The following DCBLD2 variants were observed in gnomAD, a reference collection of about 807,000 sequenced individuals.
DCBLD2 encodes discoidin, CUB and LCCL domain-containing protein 2.
DCBLD2 carries 54 observed loss-of-function variants against 86.8 expected under a neutral mutation model. That is an observed-to-expected ratio of 0.62 (90% CI 0.50 to 0.78). The LOEUF is 0.78. DCBLD2 is among the 30% of genes least tolerant of loss of function. The pLI, the probability that DCBLD2 is intolerant of heterozygous loss-of-function variation, is 0.00. For missense variants in DCBLD2, 908 were observed against 954.2 expected (o/e 0.95, Z 0.64); for synonymous variants, 354 against 341.3 (o/e 1.04, Z -0.41).
At position 98,799,747 on chromosome 3, in the gene DCBLD2, G is replaced by A; in HGVS notation, c.1953C>T (p.Asp651=). 1.2e-6 allele frequency: 2 copies of A among 1,613,974 alleles called. No homozygotes were observed. Among genetic ancestry groups the A allele is most frequent in the Non-Finnish European group, 1.7e-6 (2 of 1,179,882 alleles). The change falls in exon 16 of 16, where the codon GAC becomes GAT. Residue 651 remains aspartate (D), a synonymous_variant. Transcript: ENST00000326840. The part of the protein sequence containing the change: ...PEEGKEAGYA[D]LDPYNSPGQE... The stretch of plus-strand genomic sequence containing the variant: ...GCCCTGGTGAGTTGTAAGGATCTAG[G>A]TCTGCATAGCCTGCTTCTTTTCCTT...
intron 8 of DCBLD2, among the ~76,000 whole-genome samples, chr3:98,818,845 A>G (rs1942067879): frequency 6.6e-6 from 1 of 152,114 alleles, no homozygotes; most frequent in Non-Finnish European, 1.5e-5. Flanking sequence ...TGGCTTCCCT[A>G]CTTTTGAGGT....
At chr3:98,865,598 C>T (rs1435051941) in intron 2 of DCBLD2, among the ~76,000 whole-genome samples, 1 of 152,102 alleles carries the variant, frequency 6.6e-6, no homozygotes, top group Non-Finnish European at 1.5e-5. Context: ...AGTGTTCTCA[C>T]CACAAAAACG....
At chr3:98,831,128 G>A (rs1404832286) in intron 3 of DCBLD2, among the ~76,000 whole-genome samples, 2 of 151,290 alleles carry the variant, frequency 1.3e-5, no homozygotes, top group African/African-American at 4.9e-5. Context: ...GTGCAGTGCA[G>A]TGGTGTGATC....
chr3:98,812,576 C>T, intron 9 of DCBLD2, 94 bp from the exon 10 acceptor site: 1 of 1,072,112 alleles, frequency 9.3e-7, no homozygotes, highest in Non-Finnish European at 1.3e-6. Context: ...TTGCTCTAGG[C>T]CTTAAATTAC....
intron 3 of DCBLD2, among the ~76,000 whole-genome samples, chr3:98,842,968 A>C (rs1202276108): frequency 6.6e-6 from 1 of 152,146 alleles, no homozygotes; most frequent in Admixed American, 6.5e-5. Context: ...ATGCCAAAAA[A>C]ATTAAAAACA....
At chr3:98,880,913 A>C (rs539328638) in intron 2 of DCBLD2, among the ~76,000 whole-genome samples, 1 of 152,196 alleles carries the variant, frequency 6.6e-6, no homozygotes, top group Non-Finnish European at 1.5e-5. Flanking sequence ...GTATTCTTCA[A>C]TTGCAAATAA....
At chr3:98,857,568 G>A (rs566459610) in intron 2 of DCBLD2, among the ~76,000 whole-genome samples, 4 of 152,136 alleles carry the variant, frequency 2.6e-5, no homozygotes, top group South Asian at 2.1e-4. Context: ...ACATCCCCAC[G>A]AGATTAGCTA....
At chr3:98,820,313 G>C in intron 6 of DCBLD2, 25 bp from the exon 7 acceptor site, 1 of 1,443,166 alleles carries the variant, frequency 6.9e-7, no homozygotes, top group Non-Finnish European at 9.1e-7. Flanking sequence ...GGTTTTTTTT[G>C]GTGATACTCA....
chr3:98,870,562 C>G (rs1943241887), intron 2 of DCBLD2, among the ~76,000 whole-genome samples: 1 of 148,972 alleles, frequency 6.7e-6, no homozygotes, highest in South Asian at 2.1e-4. Flanking sequence ...TGAAGTAAGC[C>G]AAGATTGCAC....
chr3:98,854,541 C>A (rs1942898650), intron 2 of DCBLD2, among the ~76,000 whole-genome samples: 1 of 152,040 alleles, frequency 6.6e-6, no homozygotes, highest in South Asian at 2.1e-4. Flanking sequence ...AACAATTAGA[C>A]TATTGGGTAT....
intron 2 of DCBLD2, among the ~76,000 whole-genome samples, chr3:98,852,623 G>T (rs1300456484): frequency 6.6e-6 from 1 of 152,164 alleles, no homozygotes; most frequent in Admixed American, 6.5e-5. Flanking sequence ...TGGCAAAACG[G>T]AGATTTTTCT....
intron 1 of DCBLD2, among the ~76,000 whole-genome samples, chr3:98,886,443 T>G (rs1371790359): frequency 6.6e-6 from 1 of 151,970 alleles, no homozygotes; most frequent in African/African-American, 2.4e-5. Context: ...AAACTACTCT[T>G]GGAAAAAACA....
At chr3:98,870,741 G>GAAAGA (rs1559794390) in intron 2 of DCBLD2, among the ~76,000 whole-genome samples, 6 of 47,398 alleles carry the variant, frequency 1.3e-4, no homozygotes, top group African/African-American at 4.8e-4. Flanking sequence ...GAAAGAAAAA[G>GAAAGA]AAAGAAAGAA....
intron 2 of DCBLD2, among the ~76,000 whole-genome samples, chr3:98,860,716 T>G (rs1943025567): frequency 6.6e-6 from 1 of 152,054 alleles, no homozygotes; most frequent in Non-Finnish European, 1.5e-5. Context: ...AAAGAGCTCC[T>G]AAAGGAAGCA....
intron 3 of DCBLD2, among the ~76,000 whole-genome samples, chr3:98,836,922 T>C (rs868349688): frequency 9.4e-5 from 5 of 53,142 alleles, no homozygotes; most frequent in South Asian, 9.0e-4. Flanking sequence ...GGCGGGGGGC[T>C]GACCCCCCCA....
chr3:98,863,468 C>T (rs1338162818), intron 2 of DCBLD2, among the ~76,000 whole-genome samples: 1 of 152,186 alleles, frequency 6.6e-6, no homozygotes, highest in African/African-American at 2.4e-5. Flanking sequence ...AACTATACTA[C>T]AAGGCTACAG....
chr3:98,875,003 C>T (rs1048309479), intron 2 of DCBLD2, among the ~76,000 whole-genome samples: 1 of 152,052 alleles, frequency 6.6e-6, no homozygotes, highest in African/African-American at 2.4e-5. Flanking sequence ...GATAAGGAAC[C>T]CGGAAAGGAT....
chr3:98,836,019 A>T (rs1465484454), intron 3 of DCBLD2, among the ~76,000 whole-genome samples: 1 of 132,560 alleles, frequency 7.5e-6, no homozygotes, highest in Non-Finnish European at 1.6e-5. Context: ...TTATGTATAG[A>T]TTTCACCATT....
At chr3:98,877,490 T>C (rs1346433767) in intron 2 of DCBLD2, among the ~76,000 whole-genome samples, 1 of 151,884 alleles carries the variant, frequency 6.6e-6, no homozygotes, top group Non-Finnish European at 1.5e-5. Flanking sequence ...GAAAGAAAAA[T>C]AGGAAAAGGA....
Sources: gnomAD v4.1 joint callset for allele counts (sites outside exome capture counted in the v4.1 genomes callset) on GRCh38, gnomAD v4.1.1 for gene constraint, MANE v1.5 for transcripts, NCBI Gene and HGNC (gene_info 2026-07-23, HGNC 2026-07-21) for gene names.